Variants in ADAMTS3 observed in about 807,000 individuals in gnomAD.
ADAMTS3 encodes the protein ADAM metallopeptidase with thrombospondin type 1 motif 3.
Under a neutral mutation model 129.0 loss-of-function variants are expected in ADAMTS3, and 73 were observed. The observed-to-expected ratio is 0.57, with a 90% confidence interval of 0.47 to 0.69. ADAMTS3 has a LOEUF of 0.69. Among genes scored for constraint, ADAMTS3 ranks in the 30% least tolerant of loss-of-function variants. ADAMTS3 has a pLI of 0.00. For synonymous variants in ADAMTS3, 477 were observed against 510.8 expected (o/e 0.93, Z 0.89); for missense variants, 1,457 against 1,514.5 (o/e 0.96, Z 0.63).
At chr4:72,445,014 T>C (rs1330370464) in intron 3 of ADAMTS3, among the ~76,000 whole-genome samples, 4 of 151,324 alleles carry the variant, frequency 2.6e-5, no homozygotes, top group African/African-American at 9.7e-5. Flanking sequence ...AGACAGAAAA[T>C]AGATCAGTGG....
chr4:72,307,074 T>C (rs1287084792), intron 15 of ADAMTS3, among the ~76,000 whole-genome samples: 1 of 151,992 alleles, frequency 6.6e-6, no homozygotes, highest in Admixed American at 6.6e-5. Flanking sequence ...ACATATTCTA[T>C]GGAGAATATT....
intron 5 of ADAMTS3, among the ~76,000 whole-genome samples, chr4:72,327,728 T>C (rs181400850): frequency 2.3e-4 from 35 of 152,348 alleles, no homozygotes; most frequent in African/African-American, 8.2e-4. Context: ...ACATAGGATG[T>C]GGTTTTAAAA....
chr4:72,341,670 T>A (rs1338312828), intron 4 of ADAMTS3, among the ~76,000 whole-genome samples: 4 of 152,206 alleles, frequency 2.6e-5, no homozygotes, highest in Non-Finnish European at 5.9e-5. Flanking sequence ...TGAAGCTTGA[T>A]GTGTGAATGA....
chr4:72,457,993 C>G (rs889803692), intron 3 of ADAMTS3, among the ~76,000 whole-genome samples: 1 of 151,476 alleles, frequency 6.6e-6, no homozygotes. Flanking sequence ...CAGCCCCTGG[C>G]ACTGATTTTC....
rs183693780 is a variant in ADAMTS3, at chr4:72,443,240, A to T, written c.505-28269T>A. Among the ~76,000 whole-genome samples, 22 of 151,890 alleles carry T rather than the reference A, an allele frequency of 1.4e-4. 1 individual carries two copies. The East Asian group carries it at 3.7e-3, about 26-fold the overall frequency. ...CCATCACCAGGACAAAGTCAGTTTCATCTGTGTCCCTCAAACTTCCATTAC... is the reference window on the plus strand; with the variant it reads ...CCATCACCAGGACAAAGTCAGTTTCTTCTGTGTCCCTCAAACTTCCATTAC... On this transcript the variant is annotated intron_variant, in intron 3 of 21. Coordinates refer to ENST00000286657, the MANE Select transcript of ADAMTS3 (RefSeq NM_014243.3).
chr4:72,356,736 T>G (rs1468978834), intron 4 of ADAMTS3, among the ~76,000 whole-genome samples: 2 of 151,820 alleles, frequency 1.3e-5, no homozygotes, highest in African/African-American at 4.8e-5. Context: ...CTTGCATTTT[T>G]TATATTAGCA....
At chr4:72,514,303 C>T (rs1441772848) in intron 3 of ADAMTS3, among the ~76,000 whole-genome samples, 3 of 152,080 alleles carry the variant, frequency 2.0e-5, no homozygotes, top group African/African-American at 7.2e-5. Flanking sequence ...GACATGTTTC[C>T]CATGTATTGG....
At chr4:72,329,553 C>T (rs1220253336) in intron 5 of ADAMTS3, among the ~76,000 whole-genome samples, 1 of 152,170 alleles carries the variant, frequency 6.6e-6, no homozygotes, top group Non-Finnish European at 1.5e-5. Context: ...TATATGATAT[C>T]AGTGCTTGTT....
chr4:72,298,470 A>G, intron 17 of ADAMTS3, 28 bp from the exon 18 acceptor site: 1 of 1,529,416 alleles, frequency 6.5e-7, no homozygotes. Flanking sequence ...TCAATATGTA[A>G]ATCACCTGAG....
At chr4:72,370,893 A>C (rs999254263) in intron 4 of ADAMTS3, among the ~76,000 whole-genome samples, 4 of 152,222 alleles carry the variant, frequency 2.6e-5, no homozygotes, top group Non-Finnish European at 5.9e-5. Flanking sequence ...CTGTAATGGT[A>C]ATGTTATTTG....
chr4:72,314,634 AGTT>A (rs1290610491), intron 11 of ADAMTS3, among the ~76,000 whole-genome samples: 3 of 152,232 alleles, frequency 2.0e-5, no homozygotes, highest in Non-Finnish European at 4.4e-5. Flanking sequence ...AATGTTAAAA[AGTT>A]AATTATATAA....
intron 5 of ADAMTS3, among the ~76,000 whole-genome samples, chr4:72,329,875 C>T (rs931072705): frequency 6.6e-6 from 1 of 152,108 alleles, no homozygotes; most frequent in East Asian, 1.9e-4. Context: ...CTCTGCCTAA[C>T]CTTTACATGT....
chr4:72,496,750 C>A (rs540891737), intron 3 of ADAMTS3, among the ~76,000 whole-genome samples: 1 of 152,052 alleles, frequency 6.6e-6, no homozygotes, highest in East Asian at 1.9e-4. Context: ...AGTGGTAATC[C>A]AATGGCCTCC....
intron 2 of ADAMTS3, among the ~76,000 whole-genome samples, chr4:72,562,085 A>C (rs1721917436): frequency 6.6e-6 from 1 of 152,230 alleles, no homozygotes; most frequent in South Asian, 2.1e-4. Flanking sequence ...CAGTACTAAT[A>C]AAATTACAAA....
intron 3 of ADAMTS3, among the ~76,000 whole-genome samples, chr4:72,485,932 A>G (rs975243647): frequency 1.3e-5 from 2 of 152,230 alleles, no homozygotes; most frequent in South Asian, 4.1e-4. Context: ...TCTTTGAAGC[A>G]GAGACTGGGC....
At chr4:72,481,312 A>T (rs1719429546) in intron 3 of ADAMTS3, among the ~76,000 whole-genome samples, 1 of 152,212 alleles carries the variant, frequency 6.6e-6, no homozygotes, top group African/African-American at 2.4e-5. Context: ...TTACAGCTAC[A>T]GGAATCCAGA....
At chr4:72,400,199 T>G in intron 4 of ADAMTS3, among the ~76,000 whole-genome samples, 1 of 139,498 alleles carries the variant, frequency 7.2e-6, no homozygotes, top group African/African-American at 2.6e-5. Flanking sequence ...TATGTGTGTA[T>G]ATATGCACAC....
chr4:72,566,895 G>C (rs536489038), intron 2 of ADAMTS3, among the ~76,000 whole-genome samples: 1 of 152,306 alleles, frequency 6.6e-6, no homozygotes, highest in African/African-American at 2.4e-5. Context: ...TTTTAAAGCA[G>C]ATTGAATAAC....
chr4:72,288,923 TACACACACACACACACACAC>T (rs33967517), intron 20 of ADAMTS3, 55 bp from the exon 21 acceptor site: 19 of 452,656 alleles, frequency 4.2e-5, no homozygotes, highest in South Asian at 7.9e-5. Context: ...ACCATGCACA[TACACACACACACACACACAC>T]ACACACACAC....
Sources: allele counts gnomAD v4.1 joint callset (sites outside exome capture counted in the v4.1 genomes callset), GRCh38; gene constraint gnomAD v4.1.1; transcripts MANE v1.5; gene names NCBI Gene and HGNC (gene_info 2026-07-23, HGNC 2026-07-21).